The following TEX29 variants were observed in gnomAD, a reference collection of about 807,000 sequenced individuals.
TEX29 encodes the protein testis expressed 29.
In TEX29, 26 loss-of-function variants were observed where a neutral mutation model predicts 18.2. That is an observed-to-expected ratio of 1.43 (90% CI 1.04 to 1.98). The LOEUF is 1.98. TEX29 is among the 30% of genes most tolerant of loss of function. The pLI is 0.00. For missense variants in TEX29, 177 were observed against 194.2 expected (o/e 0.91, Z 0.53); for synonymous variants, 83 against 78.5 (o/e 1.06, Z -0.31).
At chr13:111,338,036 G>T (rs905906384) in intron 3 of TEX29, among the ~76,000 whole-genome samples, 1 of 152,130 alleles carries the variant, frequency 6.6e-6, no homozygotes, top group Non-Finnish European at 1.5e-5. Flanking sequence ...ATCCATTGCT[G>T]GTGGCCCTGT....
chr13:111,326,910 C>T (rs1246048125), intron 2 of TEX29, among the ~76,000 whole-genome samples: 2 of 152,166 alleles, frequency 1.3e-5, no homozygotes, highest in African/African-American at 4.8e-5. Flanking sequence ...GAGCAAAGCC[C>T]TCCTAGTCAC....
chr13:111,318,507 A>G (rs2093658340), upstream of TEX29, among the ~76,000 whole-genome samples: 1 of 152,088 alleles, frequency 6.6e-6, no homozygotes, highest in South Asian at 2.1e-4. Context: ...GCCCTTGGTG[A>G]ACACCCCTCT....
intron 5 of TEX29, 54 bp from the exon 6 acceptor site, chr13:111,344,029 G>T (rs1268364396): frequency 7.0e-7 from 1 of 1,434,066 alleles, no homozygotes; most frequent in Non-Finnish European, 9.8e-7. Flanking sequence ...AAATCTTTTC[G>T]GGACTGCTGA....
upstream of TEX29, among the ~76,000 whole-genome samples, chr13:111,317,084 G>T (rs1025591236): frequency 2.0e-5 from 3 of 152,062 alleles, no homozygotes; most frequent in Non-Finnish European, 2.9e-5. Flanking sequence ...TTTGGGTGGG[G>T]ACACAGAGCC....
At position 111,321,241 on chromosome 13, in the gene TEX29, C is replaced by T. The variant is rs11841484; in HGVS notation, c.58+293C>T. 0.098 allele frequency among the ~76,000 whole-genome samples: 14,945 copies of T among 152,202 alleles called. 814 individuals carry two copies. Among genetic ancestry groups the T allele is most frequent in the African/African-American group, 0.13 (5,478 of 41,522 alleles). On this transcript the variant is annotated intron_variant, in intron 2 of 5. Transcript: ENST00000283547. ...GGTCAAAGGCATTTTGTCCATGAGG[C>T]GCTGAAGATCCACTTCAACTACTTC... is the stretch of plus-strand genomic sequence containing the variant.
intron 2 of TEX29, 40 bp downstream of exon 2, chr13:111,320,988 G>C (rs781562226): frequency 1.9e-5 from 8 of 431,356 alleles, no homozygotes; most frequent in Admixed American, 3.8e-5. Context: ...TGGGGTGGGG[G>C]AGCAGTTGGG....
chr13:111,320,595 T>G, upstream of TEX29: 2 of 505,146 alleles, frequency 4.0e-6, no homozygotes, highest in Non-Finnish European at 7.2e-6. Flanking sequence ...GGCTGTGTGA[T>G]GTCACAGCGG....
At chr13:111,320,559 T>G (rs1595682350), upstream of TEX29, 1 of 418,054 alleles carries the variant, frequency 2.4e-6, no homozygotes, top group East Asian at 4.9e-5. Context: ...TCCGAAGTCC[T>G]GTGTGACGCC....
intron 3 of TEX29, 27 bp from the exon 4 acceptor site, chr13:111,339,836 A>G (rs775645330): frequency 3.1e-6 from 5 of 1,611,744 alleles, no homozygotes; most frequent in Non-Finnish European, 4.2e-6. Flanking sequence ...CTGGATCGAA[A>G]TGACTTCAAA....
intron 2 of TEX29, among the ~76,000 whole-genome samples, chr13:111,323,191 G>A (rs1000777900): frequency 2.6e-5 from 4 of 152,202 alleles, no homozygotes; most frequent in Admixed American, 1.3e-4. Context: ...TCACTCATCC[G>A]GGACAGGAGG....
At chr13:111,318,120 C>T (rs2477464), upstream of TEX29, among the ~76,000 whole-genome samples, 41,532 of 152,086 alleles carry the variant, frequency 0.27, 6,625 homozygotes, top group East Asian at 0.81. Context: ...AGGAGCCCCC[C>T]GAATCCCCTG....
intron 2 of TEX29, among the ~76,000 whole-genome samples, chr13:111,327,501 G>A (rs564599126): frequency 6.6e-6 from 1 of 152,126 alleles, no homozygotes; most frequent in Non-Finnish European, 1.5e-5. Flanking sequence ...AGGTCTCTGC[G>A]GGCACCCTGG....
At chr13:111,330,838 G>A (rs1021836339) in intron 3 of TEX29, among the ~76,000 whole-genome samples, 2 of 152,240 alleles carry the variant, frequency 1.3e-5, no homozygotes, top group Admixed American at 6.5e-5. Context: ...TTTCACTCAC[G>A]TAGTTCTCAA....
chr13:111,343,529 A>C (rs753602903), intron 5 of TEX29, among the ~76,000 whole-genome samples: 1 of 152,170 alleles, frequency 6.6e-6, no homozygotes, highest in African/African-American at 2.4e-5. Context: ...GTTTCCAGGA[A>C]GGAAAGTTTC....
In TEX29 at chr13:111,339,235, A is replaced by G. The variant is rs551857895; in HGVS notation, c.170-628A>G. The G allele has an allele frequency of 9.0e-5, 41 of 455,196 alleles. 1 individual carries two copies. Among genetic ancestry groups the G allele is most frequent in the Admixed American group, 5.6e-4 (24 of 42,566 alleles). 28.2% of individuals were successfully genotyped at this position (455,196 alleles called of 1,614,324 possible). On this transcript the variant is annotated intron_variant, in intron 3 of 5. Transcript: ENST00000283547. Reference sequence around the variant, plus strand: ...GGGGATTGCAGGAACCCCTTTTAATACAAGGAAGCCCAGTCAAGGATTTGT... The same window carrying G: ...GGGGATTGCAGGAACCCCTTTTAATGCAAGGAAGCCCAGTCAAGGATTTGT...
At chr13:111,318,210 G>T (rs895734892), upstream of TEX29, among the ~76,000 whole-genome samples, 1 of 152,128 alleles carries the variant, frequency 6.6e-6, no homozygotes, top group Admixed American at 6.5e-5. Flanking sequence ...CCGTTACAGG[G>T]TTAATAGCTT....
intron 3 of TEX29, among the ~76,000 whole-genome samples, chr13:111,328,730 T>C (rs1337669759): frequency 6.6e-6 from 1 of 152,168 alleles, no homozygotes; most frequent in Admixed American, 6.5e-5. Context: ...TCTGTGAGCT[T>C]GGCCCTGACT....
At chr13:111,325,596 G>A (rs909415272) in intron 2 of TEX29, among the ~76,000 whole-genome samples, 28 of 152,140 alleles carry the variant, frequency 1.8e-4, no homozygotes, top group African/African-American at 6.0e-4. Flanking sequence ...AGGGTGGAGG[G>A]CCGGGCTAGG....
At chr13:111,335,771 C>G (rs2153641898) in intron 3 of TEX29, among the ~76,000 whole-genome samples, 1 of 152,326 alleles carries the variant, frequency 6.6e-6, no homozygotes. Context: ...CCAATTTCCT[C>G]ACATCCCAAT....
Sources: allele counts gnomAD v4.1 joint callset (sites outside exome capture counted in the v4.1 genomes callset), GRCh38; gene constraint gnomAD v4.1.1; transcripts MANE v1.5; gene names NCBI Gene and HGNC (gene_info 2026-07-23, HGNC 2026-07-21).